Variants in SSC5D observed in about 807,000 individuals in gnomAD.
SSC5D encodes the protein soluble scavenger receptor cysteine-rich domain-containing protein SSC5D.
A neutral mutation model predicts 104.6 loss-of-function variants in SSC5D; 106 were observed. That is an observed-to-expected ratio of 1.01 (90% CI 0.87 to 1.19). The LOEUF is 1.19. Ranked by LOEUF, SSC5D falls within the 50% of genes most tolerant of loss-of-function variation. SSC5D has a pLI of 0.00. For synonymous variants in SSC5D, 860 were observed against 883.5 expected (o/e 0.97, Z 0.47); for missense variants, 1,993 against 2,153.8 (o/e 0.93, Z 1.48).
At chr19:55,516,510 A>T (rs1311609652) in intron 13 of SSC5D, among the ~76,000 whole-genome samples, 1 of 151,768 alleles carries the variant, frequency 6.6e-6, no homozygotes, top group Admixed American at 6.6e-5. Flanking sequence ...AAAAAAAAAA[A>T]AGTCACTGAA....
intron 3 of SSC5D, 97 bp from the exon 4 acceptor site, chr19:55,489,785 C>T (rs1987079914): frequency 1.1e-5 from 17 of 1,482,856 alleles, no homozygotes; most frequent in Non-Finnish European, 1.4e-5. Context: ...CTCCCATCCC[C>T]TCCAAAGCCA....
At chr19:55,516,322 C>T (rs189555917) in intron 13 of SSC5D, among the ~76,000 whole-genome samples, 245 of 152,160 alleles carry the variant, frequency 1.6e-3, no homozygotes, top group African/African-American at 5.2e-3. Flanking sequence ...ACGGTGAAAC[C>T]CCGTCTCTAC....
intron 8 of SSC5D, among the ~76,000 whole-genome samples, chr19:55,496,163 T>C (rs187639902): frequency 3.5e-4 from 53 of 152,214 alleles, no homozygotes; most frequent in African/African-American, 1.2e-3. Flanking sequence ...CAGAGGGTTG[T>C]CCTTAGTCAT....
At position 55,517,351 on chromosome 19, in the gene SSC5D, CTCCAG is replaced by C; in HGVS notation, c.3078_3082del (p.Ser1027ArgfsTer15). The C allele has an allele frequency of 6.4e-7, 1 of 1,550,522 alleles. No individual in the cohort carries two copies. The highest frequency in any genetic ancestry group is 8.7e-7 in the Non-Finnish European group (1 of 1,146,932). On this transcript the variant is annotated frameshift_variant, in exon 14 of 14. Transcript: ENST00000389623. LOFTEE classifies it low-confidence loss of function (END_TRUNC). ...CCCCAGGCCCAGCGCTGACCTCTGA[CTCCAG>C]TCGAGAGCTCACTCCCCACTCAGCC...
In SSC5D at chr19:55,490,375, GC is replaced by G; in HGVS notation, c.557del (p.Pro186LeufsTer3). ...GCCCAAGCAGGCCAAGTCCACCCGG[GC>G]CCCTCTGCTGACGACAGGAGCCCCC... is the stretch of plus-strand genomic sequence containing the variant. ...PRPKQAKSTRAPLLTTGAPRQ... is the reference protein window; with the variant it reads ...PRPKQAKSTRXPLLTTGAPRQ... On this transcript the variant is annotated frameshift_variant, in exon 5 of 14. Coordinates refer to ENST00000389623, the MANE Select transcript of SSC5D (RefSeq NM_001144950.2). LOFTEE classifies it high-confidence loss of function. The G allele has an allele frequency of 1.3e-6, 2 of 1,515,528 alleles. No individual in the cohort carries two copies. Among genetic ancestry groups the G allele is most frequent in the South Asian group, 1.2e-5 (1 of 82,468 alleles). 93.9% of individuals were successfully genotyped at this position (1,515,528 alleles called of 1,614,324 possible).
At chr19:55,510,761 TG>T (rs879729962) in intron 12 of SSC5D, among the ~76,000 whole-genome samples, 1 of 152,160 alleles carries the variant, frequency 6.6e-6, no homozygotes, top group Non-Finnish European at 1.5e-5. Flanking sequence ...TTTTGTTTCT[TG>T]GTTTGCTTTT....
At chr19:55,501,868 C>G (rs1422272698) in intron 12 of SSC5D, among the ~76,000 whole-genome samples, 1 of 152,170 alleles carries the variant, frequency 6.6e-6, no homozygotes, top group Admixed American at 6.5e-5. Context: ...CATCTCTGCT[C>G]CTGTTTCTCA....
intron 6 of SSC5D, chr19:55,492,725 C>G (rs530957202): frequency 3.9e-4 from 60 of 152,210 alleles, no homozygotes; most frequent in African/African-American, 1.1e-3. Flanking sequence ...CAACTCTTAC[C>G]CCAACAGAAA....
rs540465562 is a variant in SSC5D at position 55,506,287 on chromosome 19, T to A, written c.2785+5086T>A. The stretch of plus-strand genomic sequence containing the variant: ...GAAACTCAGTAGTTAATTTTTATGT[T>A]ATTTGTTAAATGAATGAACAAATGA... On this transcript the variant is annotated intron_variant, in intron 12 of 13. Coordinates refer to ENST00000389623, the MANE Select transcript of SSC5D (RefSeq NM_001144950.2). Among the ~76,000 whole-genome samples the A allele has an allele frequency of 4.5e-4, 69 of 151,670 alleles. 1 individual carries two copies. Among genetic ancestry groups the A allele is most frequent in the Admixed American group, 7.9e-4 (12 of 15,262 alleles).
At chr19:55,505,968 C>A (rs1987627611) in intron 12 of SSC5D, among the ~76,000 whole-genome samples, 1 of 151,752 alleles carries the variant, frequency 6.6e-6, no homozygotes. Flanking sequence ...AACTCCTGAC[C>A]TCAGGTGATC....
intron 12 of SSC5D, among the ~76,000 whole-genome samples, chr19:55,509,111 A>G (rs1423205430): frequency 6.6e-6 from 1 of 152,146 alleles, no homozygotes; most frequent in Non-Finnish European, 1.5e-5. Context: ...TGGGGTCTGG[A>G]GCTGGATGCT....
At chr19:55,497,099 C>A (rs1182501143) in intron 8 of SSC5D, among the ~76,000 whole-genome samples, 1 of 152,232 alleles carries the variant, frequency 6.6e-6, no homozygotes. Context: ...CTCTGAGAAG[C>A]CTTCTCCAGC....
At position 55,494,231 on chromosome 19, in the gene SSC5D, C is replaced by G. The variant is rs116053703; in HGVS notation, c.1213+319C>G. On this transcript the variant is annotated intron_variant, in intron 7 of 13. Transcript: ENST00000389623. ...GGATCCTGCAGTGCACAGGCCGCCT[C>G]CACAGCTGAGAACAGTCCAGCCCCA... is the stretch of plus-strand genomic sequence containing the variant. 9.7e-3 allele frequency among the ~76,000 whole-genome samples: 1,475 copies of G among 152,202 alleles called. 21 individuals carry two copies. Among genetic ancestry groups the G allele is most frequent in the African/African-American group, 0.034 (1,393 of 41,510 alleles).
rs748703264 is a variant in SSC5D at position 55,493,832 on chromosome 19, C to T, written c.1133C>T (p.Thr378Met). Residue 378 changes from threonine (T) to methionine (M), a missense_variant, in exon 7 of 14, where the codon ACG becomes ATG. Physicochemically the swap from Thr to Met is moderately conservative, Grantham distance 81 (BLOSUM62 -1). Transcript: ENST00000389623. ...GACCTTCGGTGTCGGGGAAACGAGA[C>T]GGCCTTACGATTCTGCCCAGCTCGG... The part of the protein sequence containing the change: ...LDDLRCRGNE[T>M]ALRFCPARPW... 7.7e-6 allele frequency: 12 copies of T among 1,549,398 alleles called. No individual in the cohort carries two copies. The highest frequency in any genetic ancestry group is 2.0e-5 in the Admixed American group (1 of 50,948).
intron 7 of SSC5D, 21 bp downstream of exon 7, chr19:55,493,933 G>A: frequency 6.5e-7 from 1 of 1,530,246 alleles, no homozygotes; most frequent in East Asian, 2.5e-5. Context: ...TGTGGTGGAG[G>A]ACCGGGAGGT....
intron 7 of SSC5D, 83 bp downstream of exon 7, chr19:55,493,995 T>TGGGGGGGGGGGGGGCCCCCCCCCCCC: frequency 4.8e-6 from 1 of 206,968 alleles, no homozygotes; most frequent in Non-Finnish European, 9.4e-6. Context: ...GGCGGGGGGG[T>TGGGGGGGGGGGGGGCCCCCCCCCCCC]CCCTACGCGC....
intron 7 of SSC5D, 82 bp downstream of exon 7, chr19:55,493,994 G>GGGGGGGGGGGCT: frequency 7.0e-6 from 1 of 143,314 alleles, no homozygotes; most frequent in Non-Finnish European, 1.4e-5. Flanking sequence ...GGGCGGGGGG[G>GGGGGGGGGGGCT]TCCCTACGCG....
At position 55,494,598 on chromosome 19, in the gene SSC5D, C is replaced by G; in HGVS notation, c.1214-12C>G. ...GTGTGTGGGTGGCAATCACTTACCC[C>G]CTGCTCCACAGGCATGCCCCTGGGC... is the stretch of plus-strand genomic sequence containing the variant. On this transcript the variant is annotated splice_polypyrimidine_tract_variant and intron_variant, in intron 7 of 13. Coordinates refer to ENST00000389623, the MANE Select transcript of SSC5D (RefSeq NM_001144950.2). 3 of 1,510,682 alleles carry G rather than the reference C, an allele frequency of 2.0e-6. No individual in the cohort carries two copies. Among genetic ancestry groups the G allele is most frequent in the Non-Finnish European group, 2.7e-6 (3 of 1,123,640 alleles). 93.6% of individuals were successfully genotyped at this position (1,510,682 alleles called of 1,614,324 possible).
chr19:55,491,321 G>T lies in SSC5D; in HGVS notation c.895+241G>T, dbSNP rs1568474486. The T allele has an allele frequency of 7.7e-6, 4 of 520,552 alleles. No individual in the cohort carries two copies. The South Asian group carries it at 8.3e-5, about 11-fold the overall frequency. The allele number at this position is 520,552 out of a possible 1,614,324, so 32.2% of individuals were successfully genotyped here. On this transcript the variant is annotated intron_variant, in intron 6 of 13. Transcript: ENST00000389623. ...GGCTAGTGCTCAGCCCTGTCCCGGG[G>T]CCTAGGCCAGTGACCGTTTGTTTAA... is the stretch of plus-strand genomic sequence containing the variant.
Sources: gnomAD v4.1 joint callset for allele counts (sites outside exome capture counted in the v4.1 genomes callset) on GRCh38, gnomAD v4.1.1 for gene constraint, MANE v1.5 for transcripts, NCBI Gene and HGNC (gene_info 2026-07-23, HGNC 2026-07-21) for gene names.